The following TTBK2 variants were observed in gnomAD, a reference collection of about 807,000 sequenced individuals.
TTBK2 encodes tau tubulin kinase 2.
TTBK2 carries 28 observed loss-of-function variants against 110.8 expected under a neutral mutation model. The ratio of observed to expected loss-of-function variants is 0.25; its 90% CI spans 0.19 to 0.35. TTBK2 has a LOEUF of 0.35. Among genes scored for constraint, TTBK2 ranks in the 10% least tolerant of loss-of-function variants. TTBK2 has a pLI of 1.00. For missense variants in TTBK2, 1,369 were observed against 1,500.3 expected, an observed-to-expected ratio of 0.91 and a Z score of 1.45; for synonymous variants, 532 against 527.3, an observed-to-expected ratio of 1.01 and a Z score of -0.12.
At chr15:42,805,014 C>T (rs768678635) in intron 9 of TTBK2, among the ~76,000 whole-genome samples, 2 of 152,154 alleles carry the variant, frequency 1.3e-5, no homozygotes. Context: ...GAACACACAG[C>T]TGAATTTAAG....
At chr15:42,865,903 T>A (rs910380248) in intron 3 of TTBK2, among the ~76,000 whole-genome samples, 1 of 152,202 alleles carries the variant, frequency 6.6e-6, no homozygotes, top group Non-Finnish European at 1.5e-5. Context: ...AATCTACCTA[T>A]ACAAACAATC....
At chr15:42,897,354 G>T (rs1460204425) in intron 1 of TTBK2, among the ~76,000 whole-genome samples, 1 of 151,928 alleles carries the variant, frequency 6.6e-6, no homozygotes, top group Non-Finnish European at 1.5e-5. Context: ...CTTGATTTAT[G>T]GTATATATTT....
intron 2 of TTBK2, 113 bp downstream of exon 2, chr15:42,878,436 T>C: frequency 6.4e-7 from 1 of 1,553,020 alleles, no homozygotes; most frequent in African/African-American, 1.4e-5. Context: ...GTATGTAATA[T>C]TTCCTAATGA....
In TTBK2 at chr15:42,744,072, T is replaced by C. The variant is rs1330294797; in HGVS notation, c.*1723A>G. The C allele has an allele frequency of 1.3e-5, 2 of 152,210 alleles. No individual in the cohort carries two copies. The highest frequency in any genetic ancestry group is 1.3e-4 in the Admixed American group (2 of 15,280). 9.4% of individuals were successfully genotyped at this position (152,210 alleles called of 1,614,324 possible). On this transcript the variant is annotated 3_prime_UTR_variant, in exon 15 of 15. Transcript: ENST00000267890. ...CAATATAATACAGAAGGACTGATCT[T>C]CCAATATTACAGTTGCTTTAGATAA...
rs550184681 is a variant in TTBK2 at position 42,881,161 on chromosome 15, T to C, written c.-67-2477A>G. On this transcript the variant is annotated intron_variant, in intron 1 of 14. Coordinates refer to ENST00000267890, the MANE Select transcript of TTBK2 (RefSeq NM_173500.4). ...GGCAAGGCGTGGTGGCAGGTGCCTATAGTCCCAGCTACTCAGGAGGCTGAG... is the reference window on the plus strand; with the variant it reads ...GGCAAGGCGTGGTGGCAGGTGCCTACAGTCCCAGCTACTCAGGAGGCTGAG... Among the ~76,000 whole-genome samples, 55 of 151,252 alleles carry C rather than the reference T, an allele frequency of 3.6e-4. 1 individual carries two copies. In the South Asian group the frequency reaches 7.5e-3, roughly 21 times the overall value.
At chr15:42,809,904 C>T (rs1369447438) in intron 9 of TTBK2, among the ~76,000 whole-genome samples, 1 of 152,204 alleles carries the variant, frequency 6.6e-6, no homozygotes, top group Non-Finnish European at 1.5e-5. Flanking sequence ...TAGAATTTAA[C>T]TACCATTAAC....
rs1303289889 is a variant in TTBK2, at chr15:42,752,362, C to T, written c.2884G>A (p.Val962Ile). Residue 962 changes from valine (V) to isoleucine (I), a missense_variant, in exon 14 of 15, where the codon GTT becomes ATT. Coordinates refer to ENST00000267890, the MANE Select transcript of TTBK2 (RefSeq NM_173500.4). ...TGGAGGAGCTTTTCTTTTGCAGAAACTGGAGAGGATGATTCCAAAGTTGAG... is the reference window on the plus strand; with the variant it reads ...TGGAGGAGCTTTTCTTTTGCAGAAATTGGAGAGGATGATTCCAAAGTTGAG... ...IDSTLESSSP[V>I]SAKEKLLQKK... The T allele has an allele frequency of 1.2e-6, 2 of 1,614,084 alleles. No homozygotes were observed. Among genetic ancestry groups the T allele is most frequent in the Non-Finnish European group, 1.7e-6 (2 of 1,180,046 alleles).
intron 1 of TTBK2, among the ~76,000 whole-genome samples, chr15:42,887,451 C>A (rs1370468376): frequency 6.6e-6 from 1 of 152,184 alleles, no homozygotes; most frequent in Non-Finnish European, 1.5e-5. Flanking sequence ...CCTTACCCCG[C>A]TCAACGCCAA....
Position 42,901,219 on chromosome 15 carries a change from G to A in TTBK2, c.-68+19219C>T, listed in dbSNP as rs202179934. On this transcript the variant is annotated intron_variant, in intron 1 of 14. Transcript: ENST00000267890. ...CTACTAAAAATACAAAAAATTAGCC[G>A]GGCGTGGTGGTGCATGCCTGTAATC... 3.9e-4 allele frequency among the ~76,000 whole-genome samples: 59 copies of A among 151,894 alleles called. No individual in the cohort carries two copies. In the East Asian group the frequency reaches 7.5e-3, roughly 19 times the overall value.
In TTBK2 at chr15:42,830,290, C is replaced by T. The variant is rs150735909; in HGVS notation, c.292-212G>A. On this transcript the variant is annotated intron_variant, in intron 4 of 14. Coordinates refer to ENST00000267890, the MANE Select transcript of TTBK2 (RefSeq NM_173500.4). Reference sequence around the variant, plus strand: ...GCAACCTCCACCTCCCGGGTTCAAGCGATTCTCCTGCTTCAGCCTCCCGAG... The same window carrying T: ...GCAACCTCCACCTCCCGGGTTCAAGTGATTCTCCTGCTTCAGCCTCCCGAG... Among the ~76,000 whole-genome samples, 3,492 of 151,822 alleles carry T rather than the reference C, an allele frequency of 0.023. 126 individuals carry two copies. The highest frequency in any genetic ancestry group is 0.079 in the African/African-American group (3,253 of 41,380).
intron 1 of TTBK2, among the ~76,000 whole-genome samples, chr15:42,898,006 T>C (rs1248494451): frequency 6.6e-6 from 1 of 151,730 alleles, no homozygotes; most frequent in Non-Finnish European, 1.5e-5. Flanking sequence ...CCTGGAAAAC[T>C]TGGTGAAACT....
At chr15:42,898,079 T>A (rs774418887) in intron 1 of TTBK2, among the ~76,000 whole-genome samples, 1 of 152,118 alleles carries the variant, frequency 6.6e-6, no homozygotes, top group Non-Finnish European at 1.5e-5. Flanking sequence ...TTGTCCCAGC[T>A]ACTTAGGAGG....
intron 3 of TTBK2, among the ~76,000 whole-genome samples, chr15:42,840,750 CA>C (rs1893187782): frequency 1.3e-5 from 2 of 152,206 alleles, no homozygotes; most frequent in African/African-American, 4.8e-5. Flanking sequence ...TGCCCAGATA[CA>C]ATACATATGA....
Position 42,878,633 on chromosome 15 carries a change from T to A in TTBK2, c.-16A>T. ...CCCCACTCATTGCAATACACTGATA[T>A]GGTAGAACAGCTACACAGGCATCCA... On this transcript the variant is annotated 5_prime_UTR_variant, in exon 2 of 15. Coordinates refer to ENST00000267890, the MANE Select transcript of TTBK2 (RefSeq NM_173500.4). 1.2e-6 allele frequency: 2 copies of A among 1,613,822 alleles called. No homozygotes were observed. Among genetic ancestry groups the A allele is most frequent in the Non-Finnish European group, 1.7e-6 (2 of 1,179,926 alleles).
At chr15:42,831,903 C>T (rs1412518827) in intron 4 of TTBK2, among the ~76,000 whole-genome samples, 2 of 152,114 alleles carry the variant, frequency 1.3e-5, no homozygotes, top group Non-Finnish European at 2.9e-5. Context: ...ATCATCACTT[C>T]ATCTAAAGAC....
intron 6 of TTBK2, among the ~76,000 whole-genome samples, chr15:42,826,979 A>T (rs1892562774): frequency 6.6e-6 from 1 of 152,220 alleles, no homozygotes; most frequent in African/African-American, 2.4e-5. Flanking sequence ...TGACTTCAGA[A>T]ATGATTCCAT....
intron 3 of TTBK2, among the ~76,000 whole-genome samples, chr15:42,854,086 T>G (rs950786340): frequency 1.3e-5 from 2 of 151,968 alleles, no homozygotes; most frequent in African/African-American, 4.8e-5. Flanking sequence ...CCGGCGCACA[T>G]GATTACAGCT....
In TTBK2 at chr15:42,845,785, C is replaced by T. The variant is rs548699762; in HGVS notation, c.218-5352G>A. The stretch of plus-strand genomic sequence containing the variant: ...GGTGATTTAGTCACTGTGCAAACAT[C>T]ATAGGGTGTGCTTACAAAAACCTAG... On this transcript the variant is annotated intron_variant, in intron 3 of 14. Transcript: ENST00000267890. Among the ~76,000 whole-genome samples the T allele has an allele frequency of 3.5e-4, 53 of 151,862 alleles. No individual in the cohort carries two copies. The South Asian group carries it at 4.0e-3, about 11-fold the overall frequency.
rs181346168 is a variant in TTBK2 at position 42,799,116 on chromosome 15, T to C, written c.823-4315A>G. ...TGGGCGCGGTGGCTCAGGCCTGTTATTCTAGCACTTTGGGAGGCCAAGGCG... is the reference window on the plus strand; with the variant it reads ...TGGGCGCGGTGGCTCAGGCCTGTTACTCTAGCACTTTGGGAGGCCAAGGCG... On this transcript the variant is annotated intron_variant, in intron 9 of 14. Coordinates refer to ENST00000267890, the MANE Select transcript of TTBK2 (RefSeq NM_173500.4). Among the ~76,000 whole-genome samples, 6 of 152,236 alleles carry C rather than the reference T, an allele frequency of 3.9e-5. No individual in the cohort carries two copies. In the East Asian group the frequency reaches 9.8e-4, roughly 25 times the overall value.
Sources: gnomAD v4.1 joint callset for allele counts (sites outside exome capture counted in the v4.1 genomes callset) on GRCh38, gnomAD v4.1.1 for gene constraint, MANE v1.5 for transcripts, NCBI Gene and HGNC (gene_info 2026-07-23, HGNC 2026-07-21) for gene names.